Variants in TDRD5 observed in about 807,000 individuals in gnomAD.
The protein encoded by TDRD5 is tudor domain-containing protein 5.
Under a neutral mutation model 120.6 loss-of-function variants are expected in TDRD5, and 41 were observed. The ratio of observed to expected loss-of-function variants is 0.34; its 90% CI spans 0.26 to 0.44. TDRD5 has a LOEUF of 0.44. TDRD5 is among the 20% of genes least tolerant of loss of function. The pLI, the probability that TDRD5 is intolerant of heterozygous loss-of-function variation, is 1.00. For synonymous variants in TDRD5, 430 were observed against 433.7 expected (o/e 0.99, Z 0.11); for missense variants, 1,006 against 1,221.2 (o/e 0.82, Z 2.63).
chr1:179,613,386 G>T (rs1039056160), intron 4 of TDRD5, among the ~76,000 whole-genome samples: 1 of 152,124 alleles, frequency 6.6e-6, no homozygotes, highest in East Asian at 1.9e-4. Context: ...GAAGTATTTA[G>T]TATGGCAAAT....
intron 6 of TDRD5, among the ~76,000 whole-genome samples, chr1:179,629,703 T>C (rs1348956996): frequency 6.6e-6 from 1 of 152,230 alleles, no homozygotes; most frequent in South Asian, 2.1e-4. Context: ...TAGTTTTTTT[T>C]CAATGTTTTA....
chr1:179,668,759 T>C (rs1386226746), intron 16 of TDRD5, among the ~76,000 whole-genome samples: 1 of 149,196 alleles, frequency 6.7e-6, no homozygotes, highest in Non-Finnish European at 1.5e-5. Flanking sequence ...TTTTTTTTTT[T>C]TGTGATGGAG....
intron 6 of TDRD5, among the ~76,000 whole-genome samples, chr1:179,628,329 T>C (rs10913840): frequency 5.6e-4 from 62 of 111,532 alleles, no homozygotes; most frequent in South Asian, 1.8e-3. Flanking sequence ...CTTTTCTTTT[T>C]TTTTTTTTTT....
intron 17 of TDRD5, among the ~76,000 whole-genome samples, chr1:179,682,610 T>G (rs1680484980): frequency 6.6e-6 from 1 of 152,166 alleles, no homozygotes; most frequent in Non-Finnish European, 1.5e-5. Flanking sequence ...GGTGTATATG[T>G]GTGTTGGCTT....
intron 4 of TDRD5, among the ~76,000 whole-genome samples, chr1:179,602,764 T>G (rs577355137): frequency 3.5e-4 from 54 of 152,252 alleles, no homozygotes; most frequent in African/African-American, 1.3e-3. Context: ...GTAGCATGCT[T>G]TTTTGTTGAC....
chr1:179,676,009 T>C (rs1404033334), intron 17 of TDRD5, among the ~76,000 whole-genome samples: 1 of 152,156 alleles, frequency 6.6e-6, no homozygotes, highest in Non-Finnish European at 1.5e-5. Flanking sequence ...CTAGTAGTAA[T>C]TGTTTTATAA....
At chr1:179,614,530 A>G (rs1300611615) in intron 4 of TDRD5, among the ~76,000 whole-genome samples, 1 of 152,228 alleles carries the variant, frequency 6.6e-6, no homozygotes, top group East Asian at 1.9e-4. Flanking sequence ...ATTGAAAGGA[A>G]TGTTTACTTT....
chr1:179,642,494 T>G (rs925413967), intron 11 of TDRD5, among the ~76,000 whole-genome samples: 4 of 152,258 alleles, frequency 2.6e-5, no homozygotes, highest in African/African-American at 9.6e-5. Context: ...ACGATTGTCC[T>G]TCTTGTCATT....
intron 4 of TDRD5, among the ~76,000 whole-genome samples, chr1:179,609,252 A>T (rs1399606663): frequency 4.6e-5 from 7 of 152,224 alleles, no homozygotes; most frequent in African/African-American, 1.7e-4. Flanking sequence ...TTGCATGTAC[A>T]TAATGAGATA....
At chr1:179,619,433 G>C (rs1676730069) in intron 5 of TDRD5, among the ~76,000 whole-genome samples, 1 of 152,056 alleles carries the variant, frequency 6.6e-6, no homozygotes, top group Admixed American at 6.6e-5. Flanking sequence ...TAAATTTTTT[G>C]TGGGAGCTGT....
At chr1:179,659,586 T>TGTGTGC (rs1553332463) in intron 14 of TDRD5, among the ~76,000 whole-genome samples, 1 of 145,188 alleles carries the variant, frequency 6.9e-6, no homozygotes, top group Non-Finnish European at 1.5e-5. Flanking sequence ...TGTGTGTGTG[T>TGTGTGC]GTGTGCGCGC....
intron 7 of TDRD5, among the ~76,000 whole-genome samples, chr1:179,631,630 A>G (rs1677452337): frequency 6.6e-6 from 1 of 152,118 alleles, no homozygotes; most frequent in South Asian, 2.1e-4. Context: ...GAAAAATCAT[A>G]AAGGTAGTAC....
chr1:179,645,076 CTTTTTTTTTTTTTTTTTTTT>C (rs71569261), intron 11 of TDRD5, among the ~76,000 whole-genome samples: 7 of 99,594 alleles, frequency 7.0e-5, no homozygotes, highest in African/African-American at 2.4e-4. Context: ...AAACATTTTT[CTTTTTTTTTTTTTTTTTTTT>C]TTTTTTTGAG....
In TDRD5 at chr1:179,691,078, T is replaced by A. The variant is rs1233821858; in HGVS notation, c.*135T>A. 5.1e-6 allele frequency: 6 copies of A among 1,175,656 alleles called. No individual in the cohort carries two copies. Among genetic ancestry groups the A allele is most frequent in the Non-Finnish European group, 6.9e-6 (6 of 866,506 alleles). The allele number at this position is 1,175,656 out of a possible 1,614,324, so 72.8% of individuals were successfully genotyped here. On this transcript the variant is annotated 3_prime_UTR_variant, in exon 18 of 18. Coordinates refer to ENST00000444136, the MANE Select transcript of TDRD5 (RefSeq NM_001199085.3). ...CTTTTGTCTTTCTGTGACTATATGTTAGCTTTATTATGCTAACAGTCTACT... is the reference window on the plus strand; with the variant it reads ...CTTTTGTCTTTCTGTGACTATATGTAAGCTTTATTATGCTAACAGTCTACT...
At chr1:179,631,226 C>T (rs1232335011) in intron 7 of TDRD5, among the ~76,000 whole-genome samples, 1 of 152,062 alleles carries the variant, frequency 6.6e-6, no homozygotes, top group African/African-American at 2.4e-5. Context: ...CCCGTCTCTA[C>T]TAAAAATACA....
intron 14 of TDRD5, among the ~76,000 whole-genome samples, chr1:179,660,555 T>G (rs1679258915): frequency 6.6e-6 from 1 of 152,200 alleles, no homozygotes; most frequent in African/African-American, 2.4e-5. Flanking sequence ...TTGTCATTCT[T>G]GACTTTTACA....
intron 17 of TDRD5, among the ~76,000 whole-genome samples, chr1:179,689,437 G>A (rs1680975762): frequency 6.6e-6 from 1 of 150,806 alleles, no homozygotes; most frequent in Non-Finnish European, 1.5e-5. Context: ...AGGGCACCTG[G>A]CTGTATGAGG....
intron 14 of TDRD5, among the ~76,000 whole-genome samples, chr1:179,661,891 G>A (rs1025313912): frequency 1.3e-5 from 2 of 152,048 alleles, no homozygotes; most frequent in Non-Finnish European, 2.9e-5. Flanking sequence ...GAAAGTAGAT[G>A]GTGCTTTCTC....
chr1:179,596,162 C>A (rs779429268), intron 4 of TDRD5, among the ~76,000 whole-genome samples: 1 of 152,124 alleles, frequency 6.6e-6, no homozygotes, highest in Non-Finnish European at 1.5e-5. Flanking sequence ...GCATAATAAT[C>A]CTGGTATTTT....
Sources: gnomAD v4.1 joint callset for allele counts (sites outside exome capture counted in the v4.1 genomes callset) on GRCh38, gnomAD v4.1.1 for gene constraint, MANE v1.5 for transcripts, NCBI Gene and HGNC (gene_info 2026-07-23, HGNC 2026-07-21) for gene names.